The following HIGD1A variants were observed in gnomAD, a reference collection of about 807,000 sequenced individuals.
The protein encoded by HIGD1A is HIG1 domain family member 1A, mitochondrial.
In HIGD1A, 8 loss-of-function variants were observed where a neutral mutation model predicts 11.3. That is an observed-to-expected ratio of 0.71 (90% CI 0.42 to 1.28). HIGD1A has a LOEUF of 1.28. Ranked by LOEUF, HIGD1A falls within the 50% of genes most tolerant of loss-of-function variation. The probability of loss-of-function intolerance (pLI) is 0.01; values close to 1 mark genes in which losing one functional copy is unlikely to be tolerated. For synonymous variants in HIGD1A, 32 were observed against 38.4 expected, an observed-to-expected ratio of 0.83 and a Z score of 0.62; for missense variants, 107 against 118.8, an observed-to-expected ratio of 0.90 and a Z score of 0.46.
intron 2 of HIGD1A, 78 bp downstream of exon 2, chr3:42,794,079 C>A (rs987132950): frequency 2.2e-6 from 3 of 1,385,666 alleles, no homozygotes; most frequent in African/African-American, 1.5e-5. Context: ...AAAATACATT[C>A]TTTCAGGATA....
chr3:42,791,869 G>A (rs1700425513), intron 2 of HIGD1A, among the ~76,000 whole-genome samples: 1 of 152,064 alleles, frequency 6.6e-6, no homozygotes, highest in Admixed American at 6.6e-5. Context: ...CAGGAAGTAC[G>A]TGCTCAAATT....
intron 2 of HIGD1A, among the ~76,000 whole-genome samples, chr3:42,786,518 C>T (rs1052225924): frequency 3.3e-5 from 5 of 152,158 alleles, no homozygotes; most frequent in African/African-American, 1.2e-4. Context: ...TCCTCTCTGT[C>T]CTATTTCCCT....
rs1239115191 is a variant in HIGD1A at position 42,782,953 on chromosome 3, A to G, written c.*2318T>C. Among the ~76,000 whole-genome samples, 1 of 152,270 alleles carries G rather than the reference A, an allele frequency of 6.6e-6. No individual in the cohort carries two copies. The highest frequency in any genetic ancestry group is 1.5e-5 in the Non-Finnish European group (1 of 68,044). ...ATATTCCAAAGAAAAATATGAACTG[A>G]GAATTGTATTATCTAGCCAAATTGT... On this transcript the variant is annotated 3_prime_UTR_variant, in exon 4 of 4. Transcript: ENST00000321331.
At chr3:42,785,656 C>G (rs1575356554) in intron 3 of HIGD1A, among the ~76,000 whole-genome samples, 1 of 152,208 alleles carries the variant, frequency 6.6e-6, no homozygotes, top group African/African-American at 2.4e-5. Flanking sequence ...AATTATAAAG[C>G]CAATAGAAGA....
chr3:42,784,801 T>C lies in HIGD1A; in HGVS notation c.*470A>G, dbSNP rs1470837769. Reference sequence around the variant, plus strand: ...GTCAATTGTGGGAAGCTTTACAAGTTATATTCCATGCACTTTTTGGACAGA... The same window carrying C: ...GTCAATTGTGGGAAGCTTTACAAGTCATATTCCATGCACTTTTTGGACAGA... On this transcript the variant is annotated 3_prime_UTR_variant, in exon 4 of 4. Coordinates refer to ENST00000321331, the MANE Select transcript of HIGD1A (RefSeq NM_014056.4). 6.4e-6 allele frequency: 1 copy of C among 155,508 alleles called. No homozygotes were observed. The highest frequency in any genetic ancestry group is 2.4e-5 in the African/African-American group (1 of 41,532). 9.6% of individuals were successfully genotyped at this position (155,508 alleles called of 1,614,324 possible). A position where few individuals can be genotyped will look rare whatever the true frequency, so the allele number is the denominator to read the frequency against.
At chr3:42,799,483 G>C (rs2125594780) in intron 1 of HIGD1A, among the ~76,000 whole-genome samples, 1 of 152,286 alleles carries the variant, frequency 6.6e-6, no homozygotes, top group East Asian at 1.9e-4. Context: ...TGTTTTATGA[G>C]ACAGGGTCTA....
Position 42,804,239 on chromosome 3 carries a change from G to A in HIGD1A, c.-23+197C>T, listed in dbSNP as rs370532039. On this transcript the variant is annotated intron_variant, in intron 1 of 3. Transcript: ENST00000321331. ...CTCACCCGAAGGACCCTAGGCCTCG[G>A]CTCCCGACTCCTCTCATCCGCCCAT... 2.2e-4 allele frequency: 359 copies of A among 1,599,864 alleles called. 1 individual carries two copies. The African/African-American group carries it at 3.8e-3, about 17-fold the overall frequency.
intron 3 of HIGD1A, among the ~76,000 whole-genome samples, chr3:42,785,803 A>G (rs1195070544): frequency 6.6e-6 from 1 of 152,238 alleles, no homozygotes; most frequent in African/African-American, 2.4e-5. Context: ...TTATAAACTC[A>G]GTGATTGACA....
intron 3 of HIGD1A, 96 bp from the exon 4 acceptor site, chr3:42,785,416 C>T: frequency 1.1e-6 from 1 of 917,498 alleles, no homozygotes; most frequent in Non-Finnish European, 1.8e-6. Flanking sequence ...AGCACCACTG[C>T]TAGCATGGAA....
chr3:42,799,532 C>A (rs192999212), intron 1 of HIGD1A, among the ~76,000 whole-genome samples: 44 of 152,252 alleles, frequency 2.9e-4, no homozygotes, highest in Non-Finnish European at 5.6e-4. Flanking sequence ...GATCTTTGCT[C>A]ACCGCAACCT....
chr3:42,787,050 G>A (rs1372102517), intron 2 of HIGD1A, among the ~76,000 whole-genome samples: 2 of 152,176 alleles, frequency 1.3e-5, no homozygotes, highest in Non-Finnish European at 2.9e-5. Flanking sequence ...AGATATAATG[G>A]TGAGCAATAA....
chr3:42,786,024 C>A lies in HIGD1A; in HGVS notation c.232+4G>T, dbSNP rs372113783. ...AAAATTTGAAATTTCCTATAGGAAC[C>A]TACCAACAGTCATTGCTCCTACAAC... On this transcript the variant is annotated splice_donor_region_variant and intron_variant, in intron 3 of 3. Transcript: ENST00000321331. 1 of 1,612,066 alleles carries A rather than the reference C, an allele frequency of 6.2e-7. No homozygotes were observed. Among genetic ancestry groups the A allele is most frequent in the East Asian group, 2.2e-5 (1 of 44,850 alleles).
At chr3:42,801,737 G>A (rs1435598714) in intron 1 of HIGD1A, among the ~76,000 whole-genome samples, 2 of 152,136 alleles carry the variant, frequency 1.3e-5, no homozygotes, top group East Asian at 3.8e-4. Context: ...TTGCAACACA[G>A]GGGACAAAAC....
rs1404010122 is a variant in HIGD1A at position 42,784,204 on chromosome 3, T to C, written c.*1067A>G. The stretch of plus-strand genomic sequence containing the variant: ...GTTGAAACAGAAAGGAGAACATGAT[T>C]AGAGAACAACAACAAAAAAGACAAT... On this transcript the variant is annotated 3_prime_UTR_variant, in exon 4 of 4. Transcript: ENST00000321331. 2 of 152,224 alleles carry C rather than the reference T, an allele frequency of 1.3e-5. No individual in the cohort carries two copies. The highest frequency in any genetic ancestry group is 1.3e-4 in the Admixed American group (2 of 15,274). 9.4% of individuals were successfully genotyped at this position (152,224 alleles called of 1,614,324 possible).
chr3:42,788,970 A>C (rs1700385277), intron 2 of HIGD1A, among the ~76,000 whole-genome samples: 1 of 151,852 alleles, frequency 6.6e-6, no homozygotes, highest in East Asian at 1.9e-4. Flanking sequence ...ACCAAATACT[A>C]GCTTATCAAC....
At chr3:42,792,011 A>G (rs1016656889) in intron 2 of HIGD1A, among the ~76,000 whole-genome samples, 2 of 152,204 alleles carry the variant, frequency 1.3e-5, no homozygotes, top group Non-Finnish European at 2.9e-5. Flanking sequence ...TAAAAAGATA[A>G]TGAACAAGGC....
At chr3:42,803,294 C>G (rs746483744) in intron 1 of HIGD1A, among the ~76,000 whole-genome samples, 3 of 152,190 alleles carry the variant, frequency 2.0e-5, no homozygotes, top group Non-Finnish European at 4.4e-5. Context: ...GGAGACGTAA[C>G]AGGTTGAATG....
intron 1 of HIGD1A, among the ~76,000 whole-genome samples, chr3:42,800,128 C>T (rs759866088): frequency 1.3e-5 from 2 of 151,934 alleles, no homozygotes; most frequent in Non-Finnish European, 2.9e-5. Context: ...GAGTTCGAAA[C>T]CAGCCTGGTC....
intron 2 of HIGD1A, 116 bp downstream of exon 2, chr3:42,794,041 A>T: frequency 2.0e-6 from 2 of 993,208 alleles, no homozygotes; most frequent in Non-Finnish European, 2.9e-6. Flanking sequence ...TGCCAATCTC[A>T]GCATATTTCA....
Sources: allele counts gnomAD v4.1 joint callset (sites outside exome capture counted in the v4.1 genomes callset), GRCh38; gene constraint gnomAD v4.1.1; transcripts MANE v1.5; gene names NCBI Gene and HGNC (gene_info 2026-07-23, HGNC 2026-07-21).